TENM2: variants seen among roughly 807,000 people sequenced by gnomAD.
TENM2 encodes the protein teneurin-2.
Under a neutral mutation model 245.2 loss-of-function variants are expected in TENM2, and 52 were observed. The observed-to-expected ratio is 0.21, with a 90% confidence interval of 0.17 to 0.27. The LOEUF is 0.27. TENM2 is among the 10% of genes least tolerant of loss of function. The probability of loss-of-function intolerance (pLI) is 1.00; values close to 1 mark genes in which losing one functional copy is unlikely to be tolerated. For missense variants in TENM2, 3,046 were observed against 3,666.8 expected, an observed-to-expected ratio of 0.83 and a Z score of 4.37; for synonymous variants, 1,363 against 1,438.9, an observed-to-expected ratio of 0.95 and a Z score of 1.19.
intron 2 of TENM2, among the ~76,000 whole-genome samples, chr5:167,572,620 T>A (rs12655922): frequency 0.042 from 6,446 of 152,246 alleles, 230 homozygotes; most frequent in African/African-American, 0.1. Flanking sequence ...GCAATTTACA[T>A]TCTTATAAAA....
At chr5:167,265,090 G>T in the TENM2 span, among the ~76,000 whole-genome samples, 6 of 151,896 alleles carry the variant, frequency 4.0e-5, no homozygotes, top group Admixed American at 3.9e-4. Flanking sequence ...CACTTTGGGA[G>T]ACCGAGGCGA....
chr5:168,178,247 G>A (rs1044082400), intron 13 of TENM2, among the ~76,000 whole-genome samples: 10 of 152,192 alleles, frequency 6.6e-5, no homozygotes, highest in African/African-American at 2.2e-4. Context: ...ACCCCCTGCC[G>A]GGCCTCGGCT....
intron 2 of TENM2, among the ~76,000 whole-genome samples, chr5:167,710,001 G>A (rs1169923448): frequency 3.3e-5 from 5 of 152,050 alleles, no homozygotes; most frequent in African/African-American, 1.2e-4. Flanking sequence ...TAAGTTGAGG[G>A]GAATCATTAT....
the TENM2 span, among the ~76,000 whole-genome samples, chr5:167,181,502 G>GTGTGTGTGTA: frequency 1.4e-5 from 2 of 144,010 alleles, no homozygotes; most frequent in East Asian, 2.1e-4. Flanking sequence ...GTGTGTGTGT[G>GTGTGTGTGTA]TATGTGTATT....
At chr5:167,219,584 A>G in the TENM2 span, among the ~76,000 whole-genome samples, 1 of 152,190 alleles carries the variant, frequency 6.6e-6, no homozygotes, top group Non-Finnish European at 1.5e-5. Flanking sequence ...GTTTAGCCCT[A>G]TGTTTGTGAA....
the TENM2 span, among the ~76,000 whole-genome samples, chr5:167,265,113 G>A: frequency 6.6e-5 from 10 of 151,734 alleles, no homozygotes; most frequent in South Asian, 6.3e-4. Context: ...GGATCATGAC[G>A]TCAGGAGTTC....
intron 3 of TENM2, among the ~76,000 whole-genome samples, chr5:167,916,146 A>G (rs1289494097): frequency 1.3e-5 from 2 of 152,214 alleles, no homozygotes; most frequent in Admixed American, 6.5e-5. Context: ...TGTTATGTCC[A>G]TTAGCGCAGG....
At chr5:166,991,056 T>C in the TENM2 span, among the ~76,000 whole-genome samples, 1 of 151,920 alleles carries the variant, frequency 6.6e-6, no homozygotes, top group Non-Finnish European at 1.5e-5. Flanking sequence ...TAAATATTGA[T>C]AGAATAGTCC....
intron 2 of TENM2, among the ~76,000 whole-genome samples, chr5:167,753,734 A>G (rs1762108173): frequency 6.6e-6 from 1 of 152,174 alleles, no homozygotes; most frequent in Non-Finnish European, 1.5e-5. Flanking sequence ...ACATGCTGAC[A>G]TGTTGCCTTC....
chr5:167,046,628 A>G, the TENM2 span, among the ~76,000 whole-genome samples: 1 of 152,084 alleles, frequency 6.6e-6, no homozygotes, highest in Non-Finnish European at 1.5e-5. Flanking sequence ...AGTTTTCTCC[A>G]TGCATCTCTC....
At chr5:167,813,700 C>G (rs373459212) in intron 2 of TENM2, among the ~76,000 whole-genome samples, 3 of 152,258 alleles carry the variant, frequency 2.0e-5, no homozygotes, top group East Asian at 3.9e-4. Flanking sequence ...CTCACTGCAT[C>G]CCCTACTCCC....
At chr5:167,833,345 T>A (rs1286195298) in intron 2 of TENM2, among the ~76,000 whole-genome samples, 1 of 152,170 alleles carries the variant, frequency 6.6e-6, no homozygotes, top group Non-Finnish European at 1.5e-5. Flanking sequence ...AGACAAACAA[T>A]AGGATCAAAT....
intron 2 of TENM2, among the ~76,000 whole-genome samples, chr5:167,451,684 T>C (rs559221685): frequency 6.6e-6 from 1 of 152,018 alleles, no homozygotes; most frequent in Non-Finnish European, 1.5e-5. Context: ...AGTCTCGCTC[T>C]GTCACCCAGG....
At chr5:166,995,814 CAAAAAAAAAAAA>C in the TENM2 span, among the ~76,000 whole-genome samples, 2 of 59,246 alleles carry the variant, frequency 3.4e-5, no homozygotes, top group Non-Finnish European at 5.8e-5. Context: ...GACTCCATCT[CAAAAAAAAAAAA>C]AAAAAAAAAA....
At chr5:167,321,801 T>TTTTTTGGTGG (rs67957514) in intron 1 of TENM2, among the ~76,000 whole-genome samples, 2 of 7,282 alleles carry the variant, frequency 2.7e-4, no homozygotes, top group Non-Finnish European at 2.9e-4. Context: ...TTTTTTTTTT[T>TTTTTTGGTGG]GGGGGGGGGG....
At chr5:167,876,258 C>G in intron 3 of TENM2, 63 bp downstream of exon 5, 1 of 1,360,326 alleles carries the variant, frequency 7.4e-7, no homozygotes, top group Admixed American at 2.0e-5. Context: ...TGATTCTCCA[C>G]CAAAATGACA....
At chr5:167,129,143 G>A in the TENM2 span, among the ~76,000 whole-genome samples, 1 of 152,068 alleles carries the variant, frequency 6.6e-6, no homozygotes, top group African/African-American at 2.4e-5. Context: ...CTGTACTTAT[G>A]TCAGAATTGA....
intron 2 of TENM2, among the ~76,000 whole-genome samples, chr5:167,461,248 G>A (rs902082095): frequency 1.3e-5 from 2 of 150,732 alleles, no homozygotes; most frequent in Non-Finnish European, 3.0e-5. Context: ...TCTTTTTTAG[G>A]GCACTTGAAA....
intron 2 of TENM2, among the ~76,000 whole-genome samples, chr5:167,467,516 G>GAAAAA (rs10585036): frequency 1.1e-4 from 16 of 145,706 alleles, no homozygotes; most frequent in African/African-American, 4.1e-4. Flanking sequence ...TCTTGTTTGA[G>GAAAAA]AAAAAAAAAA....
Sources: allele counts gnomAD v4.1 joint callset (sites outside exome capture counted in the v4.1 genomes callset), GRCh38; gene constraint gnomAD v4.1.1; transcripts MANE v1.5; gene names NCBI Gene and HGNC (gene_info 2026-07-23, HGNC 2026-07-21).